The following SH3GL2 variants were observed in gnomAD, a reference collection of about 807,000 sequenced individuals.
The protein encoded by SH3GL2 is endophilin-A1.
SH3GL2 carries 24 observed loss-of-function variants against 46.0 expected under a neutral mutation model. The observed-to-expected ratio is 0.52, with a 90% CI of 0.38 to 0.73. The LOEUF (loss-of-function observed/expected upper bound fraction) is 0.73. Ranked by LOEUF, SH3GL2 falls within the 30% of genes least tolerant of loss-of-function variation. The pLI is 0.00. For missense variants in SH3GL2, 413 were observed against 424.2 expected, an observed-to-expected ratio of 0.97 and a Z score of 0.23; for synonymous variants, 196 against 147.1, an observed-to-expected ratio of 1.33 and a Z score of -2.40.
chr9:17,742,710 G>A (rs1258957031), intron 1 of SH3GL2, among the ~76,000 whole-genome samples: 1 of 152,152 alleles, frequency 6.6e-6, no homozygotes, highest in African/African-American at 2.4e-5. Flanking sequence ...AGTTTGTTTG[G>A]AATACAGAGT....
intron 1 of SH3GL2, among the ~76,000 whole-genome samples, chr9:17,731,923 T>G (rs1536076): frequency 0.2 from 30,092 of 152,084 alleles, 3,668 homozygotes; most frequent in East Asian, 0.38. Flanking sequence ...CAAAAGACAT[T>G]CAGTGACTAT....
chr9:17,612,561 A>AT (rs1818892793), intron 1 of SH3GL2, among the ~76,000 whole-genome samples: 1 of 152,178 alleles, frequency 6.6e-6, no homozygotes, highest in South Asian at 2.1e-4. Flanking sequence ...GAGGAGAGGA[A>AT]GGGGTGCATG....
chr9:17,619,258 G>A (rs1334608499), intron 1 of SH3GL2, among the ~76,000 whole-genome samples: 33 of 152,178 alleles, frequency 2.2e-4, no homozygotes, highest in Admixed American at 2.2e-3. Flanking sequence ...GCTGCTGTGT[G>A]TACATGGATG....
chr9:17,673,289 C>A (rs1820519627), intron 1 of SH3GL2, among the ~76,000 whole-genome samples: 1 of 151,606 alleles, frequency 6.6e-6, no homozygotes, highest in African/African-American at 2.4e-5. Context: ...GCTGGGACTA[C>A]AGGCACGCAC....
chr9:17,660,308 C>G (rs1820181063), intron 1 of SH3GL2, among the ~76,000 whole-genome samples: 1 of 152,154 alleles, frequency 6.6e-6, no homozygotes, highest in Non-Finnish European at 1.5e-5. Context: ...CTCTGGCTGC[C>G]TGACTCCTCA....
chr9:17,777,057 A>G (rs1279063527), intron 3 of SH3GL2, among the ~76,000 whole-genome samples: 2 of 152,152 alleles, frequency 1.3e-5, no homozygotes, highest in Non-Finnish European at 1.5e-5. Flanking sequence ...TGTAGAATGG[A>G]GAGTGTTAGG....
chr9:17,776,178 T>C (rs1330885756), intron 3 of SH3GL2, among the ~76,000 whole-genome samples: 3 of 152,026 alleles, frequency 2.0e-5, no homozygotes, highest in Non-Finnish European at 1.5e-5. Flanking sequence ...TTTGTTGAGG[T>C]TTGTGCTGGG....
chr9:17,730,390 C>T (rs1472303965), intron 1 of SH3GL2, among the ~76,000 whole-genome samples: 1 of 152,120 alleles, frequency 6.6e-6, no homozygotes, highest in South Asian at 2.1e-4. Flanking sequence ...AATATCCAGT[C>T]ATGTCGTTTG....
intron 1 of SH3GL2, among the ~76,000 whole-genome samples, chr9:17,665,191 G>A (rs1486894042): frequency 3.9e-5 from 6 of 152,004 alleles, no homozygotes. Context: ...TAAGAATAAG[G>A]ACATTTTCTT....
At chr9:17,623,017 T>C (rs868175871) in intron 1 of SH3GL2, among the ~76,000 whole-genome samples, 1 of 92,756 alleles carries the variant, frequency 1.1e-5, no homozygotes, top group African/African-American at 4.4e-5. Flanking sequence ...TTTCCTTTCC[T>C]TTCCTTTCCT....
chr9:17,670,239 C>T (rs147060222), intron 1 of SH3GL2, among the ~76,000 whole-genome samples: 2 of 152,174 alleles, frequency 1.3e-5, no homozygotes, highest in East Asian at 3.9e-4. Flanking sequence ...CTGCTGGCAT[C>T]CCCCAGTGCA....
At chr9:17,709,356 C>T (rs570350999) in intron 1 of SH3GL2, among the ~76,000 whole-genome samples, 11 of 151,924 alleles carry the variant, frequency 7.2e-5, no homozygotes, top group Admixed American at 5.3e-4. Flanking sequence ...AATTCCTAAT[C>T]GCAGATGTAA....
chr9:17,652,845 GTTAC>G (rs942059453), intron 1 of SH3GL2, among the ~76,000 whole-genome samples: 1 of 152,076 alleles, frequency 6.6e-6, no homozygotes, highest in Non-Finnish European at 1.5e-5. Flanking sequence ...TAGTAGATCT[GTTAC>G]TTACTTCCTT....
intron 1 of SH3GL2, among the ~76,000 whole-genome samples, chr9:17,673,789 T>C (rs1046689799): frequency 2.6e-5 from 4 of 152,218 alleles, no homozygotes; most frequent in African/African-American, 7.2e-5. Context: ...CTTGAGTCTT[T>C]ATTAATTCTT....
intron 6 of SH3GL2, chr9:17,790,501 A>G: frequency 1.5e-6 from 1 of 672,532 alleles, no homozygotes; most frequent in Non-Finnish European, 1.8e-6. Flanking sequence ...ACTTGTGTCC[A>G]CCTAACTCCT....
intron 1 of SH3GL2, among the ~76,000 whole-genome samples, chr9:17,701,548 T>C (rs1357141056): frequency 6.6e-6 from 1 of 152,106 alleles, no homozygotes; most frequent in African/African-American, 2.4e-5. Flanking sequence ...GATGATATGA[T>C]TGTATACCTA....
intron 1 of SH3GL2, among the ~76,000 whole-genome samples, chr9:17,680,306 A>T (rs1003404196): frequency 6.6e-6 from 1 of 152,068 alleles, no homozygotes; most frequent in African/African-American, 2.4e-5. Context: ...TCAATTTCAG[A>T]GCCTGCTATT....
Position 17,601,726 on chromosome 9 carries a change from T to G in SH3GL2, c.45+22439T>G, listed in dbSNP as rs150433832. On this transcript the variant is annotated intron_variant, in intron 1 of 8. Coordinates refer to ENST00000380607, the MANE Select transcript of SH3GL2 (RefSeq NM_003026.5). Reference sequence around the variant, plus strand: ...TTTCAAGTTCTCTGGAATGCTTAAATAGAGCTGAAGTACGTTTTAGGTCAT... The same window carrying G: ...TTTCAAGTTCTCTGGAATGCTTAAAGAGAGCTGAAGTACGTTTTAGGTCAT... 4.9e-3 allele frequency among the ~76,000 whole-genome samples: 740 copies of G among 152,310 alleles called. 10 individuals carry two copies. The highest frequency in any genetic ancestry group is 0.017 in the African/African-American group (698 of 41,560).
intron 1 of SH3GL2, among the ~76,000 whole-genome samples, chr9:17,612,547 A>G (rs1818892444): frequency 6.6e-6 from 1 of 152,176 alleles, no homozygotes; most frequent in Non-Finnish European, 1.5e-5. Flanking sequence ...ATTGAGAATA[A>G]GGTGAGGAGA....
Sources: gnomAD v4.1 joint callset for allele counts (sites outside exome capture counted in the v4.1 genomes callset) on GRCh38, gnomAD v4.1.1 for gene constraint, MANE v1.5 for transcripts, NCBI Gene and HGNC (gene_info 2026-07-23, HGNC 2026-07-21) for gene names.